The following CNTNAP5 variants were observed in gnomAD, a reference collection of about 807,000 sequenced individuals.
The protein encoded by CNTNAP5 is contactin-associated protein-like 5.
Under a neutral mutation model 150.2 loss-of-function variants are expected in CNTNAP5, and 72 were observed. The ratio of observed to expected loss-of-function variants is 0.48; its 90% CI spans 0.40 to 0.58. CNTNAP5 has a LOEUF of 0.58. Among genes scored for constraint, CNTNAP5 ranks in the 20% least tolerant of loss-of-function variants. The pLI is 0.00. For missense variants in CNTNAP5, 1,636 were observed against 1,626.2 expected, an observed-to-expected ratio of 1.01 and a Z score of -0.10; for synonymous variants, 672 against 619.8, an observed-to-expected ratio of 1.08 and a Z score of -1.25.
intron 1 of CNTNAP5, among the ~76,000 whole-genome samples, chr2:124,118,621 C>T (rs910222360): frequency 6.6e-6 from 1 of 152,122 alleles, no homozygotes; most frequent in Non-Finnish European, 1.5e-5. Flanking sequence ...AGAAATAGTT[C>T]TTTGATAGCA....
At chr2:124,114,941 C>T (rs1245331022) in intron 1 of CNTNAP5, among the ~76,000 whole-genome samples, 1 of 151,508 alleles carries the variant, frequency 6.6e-6, no homozygotes, top group Non-Finnish European at 1.5e-5. Flanking sequence ...ATTTTTAAAT[C>T]TTAAACAAAC....
rs2104833686 is a variant in CNTNAP5 at position 124,474,765 on chromosome 2, A to G, written c.945A>G (p.Pro315=). The G allele has an allele frequency of 1.9e-6, 3 of 1,590,338 alleles. No homozygotes were observed. Among genetic ancestry groups the G allele is most frequent in the African/African-American group, 1.4e-5 (1 of 73,758 alleles). ...TTAGTTTTGGAGGAATTCCAGTACCAGGAAAACCTGGGACCTTTTTAAAGA... is the reference window on the plus strand; with the variant it reads ...TTAGTTTTGGAGGAATTCCAGTACCGGGAAAACCTGGGACCTTTTTAAAGA... ...YELSFGGIPV[P]GKPGTFLKKN... is the part of the protein sequence containing the mutation. Residue 315 remains proline (P), a synonymous_variant, in exon 7 of 24, where the codon CCA becomes CCG. Transcript: ENST00000682447.
intron 3 of CNTNAP5, among the ~76,000 whole-genome samples, chr2:124,311,899 G>A (rs1688840043): frequency 6.6e-6 from 1 of 152,192 alleles, no homozygotes; most frequent in Admixed American, 6.5e-5. Context: ...GCATATTACA[G>A]ATATGATCAT....
Position 124,527,290 on chromosome 2 carries a change from C to T in CNTNAP5, c.1483C>T (p.Pro495Ser). 2 of 1,612,774 alleles carry T rather than the reference C, an allele frequency of 1.2e-6. No homozygotes were observed. Among genetic ancestry groups the T allele is most frequent in the Non-Finnish European group, 1.7e-6 (2 of 1,179,292 alleles). The stretch of plus-strand genomic sequence containing the variant: ...CTTTTTTCTCTGTCCCACAGGGTGC[C>T]CCGACAATCTCACCGATTCCCAATG... ...SGNSYYFGGC[P>S]DNLTDSQCLN... Residue 495 changes from proline (P) to serine (S), a missense_variant, in exon 10 of 24, where the codon CCC becomes TCC. Physicochemically the swap from Pro to Ser is moderately conservative, Grantham distance 74. Transcript: ENST00000682447.
At chr2:124,446,421 C>T (rs1233837222) in intron 5 of CNTNAP5, among the ~76,000 whole-genome samples, 1 of 152,150 alleles carries the variant, frequency 6.6e-6, no homozygotes, top group Non-Finnish European at 1.5e-5. Context: ...CATTCAAACT[C>T]AAAGAATATG....
At chr2:124,214,208 A>T (rs755516549) in intron 1 of CNTNAP5, among the ~76,000 whole-genome samples, 1 of 152,138 alleles carries the variant, frequency 6.6e-6, no homozygotes, top group Non-Finnish European at 1.5e-5. Context: ...CTACCTTGTT[A>T]TGCTTATGGG....
At chr2:124,781,830 T>C (rs1450615917) in intron 17 of CNTNAP5, among the ~76,000 whole-genome samples, 1 of 152,216 alleles carries the variant, frequency 6.6e-6, no homozygotes, top group Admixed American at 6.5e-5. Context: ...CGTTCTTTTC[T>C]ACCTTTTATC....
intron 6 of CNTNAP5, among the ~76,000 whole-genome samples, chr2:124,459,569 T>C (rs987155544): frequency 1.3e-5 from 2 of 151,860 alleles, no homozygotes; most frequent in Non-Finnish European, 2.9e-5. Context: ...GCCAACAGCA[T>C]GATGAAACCC....
chr2:124,636,053 C>T (rs1677962919), intron 12 of CNTNAP5, among the ~76,000 whole-genome samples: 1 of 152,126 alleles, frequency 6.6e-6, no homozygotes. Flanking sequence ...AGTATGCTGT[C>T]ATTTTGTTCT....
chr2:124,696,819 A>G (rs10178249), intron 13 of CNTNAP5, among the ~76,000 whole-genome samples: 62,087 of 152,040 alleles, frequency 0.41, 13,452 homozygotes, highest in African/African-American at 0.48. Context: ...CGTATCCATA[A>G]GTACATTTTT....
chr2:124,519,221 G>A (rs1371483317), intron 8 of CNTNAP5, among the ~76,000 whole-genome samples: 1 of 151,956 alleles, frequency 6.6e-6, no homozygotes, highest in Non-Finnish European at 1.5e-5. Flanking sequence ...AGTATATCAA[G>A]GTTACAGAGT....
At chr2:124,447,433 G>T (rs1692849408) in intron 6 of CNTNAP5, among the ~76,000 whole-genome samples, 3 of 152,182 alleles carry the variant, frequency 2.0e-5, no homozygotes, top group Admixed American at 2.0e-4. Flanking sequence ...AAGAGGTACA[G>T]TGAAATGAAC....
chr2:124,079,246 C>T (rs1682505450), intron 1 of CNTNAP5, among the ~76,000 whole-genome samples: 1 of 152,192 alleles, frequency 6.6e-6, no homozygotes, highest in Non-Finnish European at 1.5e-5. Flanking sequence ...GAGCACTCAG[C>T]CAGTAATTGG....
intron 19 of CNTNAP5, among the ~76,000 whole-genome samples, chr2:124,835,617 C>A (rs79527779): frequency 2.0e-5 from 3 of 152,020 alleles, no homozygotes; most frequent in Non-Finnish European, 4.4e-5. Context: ...TTGACATTAC[C>A]CCGTCCCCAG....
intron 3 of CNTNAP5, among the ~76,000 whole-genome samples, chr2:124,391,255 C>G (rs904149680): frequency 1.3e-5 from 2 of 151,978 alleles, no homozygotes; most frequent in Admixed American, 1.3e-4. Flanking sequence ...AATGTATAAA[C>G]AGTAGGATAT....
At chr2:124,682,116 C>G (rs1679082245) in intron 13 of CNTNAP5, among the ~76,000 whole-genome samples, 1 of 152,110 alleles carries the variant, frequency 6.6e-6, no homozygotes. Flanking sequence ...GATTGGTGCT[C>G]TCTTCTTTCC....
chr2:124,234,327 G>A (rs1170627), intron 2 of CNTNAP5, among the ~76,000 whole-genome samples: 22,602 of 152,128 alleles, frequency 0.15, 2,117 homozygotes, highest in East Asian at 0.35. Context: ...TTTTACAACA[G>A]CACTGGCCGA....
At chr2:124,815,641 T>C (rs1415021251) in intron 19 of CNTNAP5, among the ~76,000 whole-genome samples, 1 of 152,216 alleles carries the variant, frequency 6.6e-6, no homozygotes. Flanking sequence ...TGCTCCGAAG[T>C]GCTTAAGATG....
intron 1 of CNTNAP5, among the ~76,000 whole-genome samples, chr2:124,118,807 G>A (rs1352859592): frequency 6.6e-6 from 1 of 152,130 alleles, no homozygotes; most frequent in African/African-American, 2.4e-5. Flanking sequence ...GCTAAAAAAA[G>A]TCCATTTGTA....
Sources: gnomAD v4.1 joint callset for allele counts (sites outside exome capture counted in the v4.1 genomes callset) on GRCh38, gnomAD v4.1.1 for gene constraint, MANE v1.5 for transcripts, NCBI Gene and HGNC (gene_info 2026-07-23, HGNC 2026-07-21) for gene names.